PRSS38: variants seen among roughly 807,000 people sequenced by gnomAD.
The protein encoded by PRSS38 is serine protease 38.
In PRSS38, 22 loss-of-function variants were observed where a neutral mutation model predicts 26.8. That is an observed-to-expected ratio of 0.82 (90% CI 0.59 to 1.17). PRSS38 has a LOEUF of 1.17. PRSS38 is among the 50% of genes most tolerant of loss of function. The pLI is 0.00. For missense variants in PRSS38, 427 were observed against 422.7 expected (o/e 1.01, Z -0.09); for synonymous variants, 175 against 172.1 (o/e 1.02, Z -0.13).
At chr1:227,822,667 G>C (rs1665019167) in intron 3 of PRSS38, among the ~76,000 whole-genome samples, 1 of 152,166 alleles carries the variant, frequency 6.6e-6, no homozygotes, top group Admixed American at 6.6e-5. Context: ...TGTTTTGACA[G>C]TATTTTCTTG....
At chr1:227,833,628 A>T (rs913431288) in intron 3 of PRSS38, among the ~76,000 whole-genome samples, 1 of 152,196 alleles carries the variant, frequency 6.6e-6, no homozygotes, top group Admixed American at 6.5e-5. Context: ...AAGGAGAGAT[A>T]TATAGACCAA....
intron 3 of PRSS38, among the ~76,000 whole-genome samples, chr1:227,821,997 C>G (rs1665009815): frequency 1.3e-5 from 2 of 152,142 alleles, no homozygotes; most frequent in Non-Finnish European, 2.9e-5. Context: ...CCAGGAGTCT[C>G]TTAGGCTCTC....
intron 3 of PRSS38, among the ~76,000 whole-genome samples, chr1:227,831,245 G>T (rs751086692): frequency 6.6e-6 from 1 of 151,966 alleles, no homozygotes; most frequent in Non-Finnish European, 1.5e-5. Flanking sequence ...TCATTTAGTT[G>T]AGGATATTAT....
intron 3 of PRSS38, among the ~76,000 whole-genome samples, chr1:227,826,363 G>A (rs919832242): frequency 3.3e-5 from 5 of 152,240 alleles, no homozygotes; most frequent in Admixed American, 6.5e-5. Flanking sequence ...TTTGAACACC[G>A]TTGATTTCTT....
chr1:227,846,456 A>C, exon 5 of PRSS38: 1 of 558,312 alleles, frequency 1.8e-6, no homozygotes, highest in South Asian at 2.5e-5. Flanking sequence ...AGATCATTAA[A>C]TATTTACAAA....
At position 227,817,329 on chromosome 1, in the gene PRSS38, C is replaced by A; in HGVS notation, c.432C>A (p.Tyr144Ter). ...TCCTGCACCCCACATATGAGATGTA[C>A]CACCCCATCGGAGGTGACGTGGCCC... is the stretch of plus-strand genomic sequence containing the variant. The change falls in exon 3 of 5, where the codon TAC becomes TAA. Residue 144 changes from tyrosine to a stop codon, truncating the protein, a stop_gained. Coordinates refer to ENST00000366757, the Ensembl canonical transcript of PRSS38. LOFTEE classifies it high-confidence loss of function. The A allele has an allele frequency of 5.0e-6, 8 of 1,614,172 alleles. No individual in the cohort carries two copies. Among genetic ancestry groups the A allele is most frequent in the Non-Finnish European group, 5.9e-6 (7 of 1,180,026 alleles).
intron 3 of PRSS38, among the ~76,000 whole-genome samples, chr1:227,841,256 G>A (rs1006347273): frequency 6.6e-6 from 1 of 152,270 alleles, no homozygotes; most frequent in Non-Finnish European, 1.5e-5. Context: ...CATCCAGCAG[G>A]CTGGCCTAGC....
intron 3 of PRSS38, among the ~76,000 whole-genome samples, chr1:227,820,033 G>A (rs1485686390): frequency 7.2e-6 from 1 of 139,586 alleles, no homozygotes; most frequent in Non-Finnish European, 1.5e-5. Flanking sequence ...AGGTTGCAGT[G>A]AGCTGAGATC....
chr1:227,845,226 T>C (rs2102687702), intron 3 of PRSS38, among the ~76,000 whole-genome samples: 1 of 145,402 alleles, frequency 6.9e-6, no homozygotes, highest in South Asian at 2.2e-4. Flanking sequence ...CCTCCCTATG[T>C]GTGGTGGAGC....
At chr1:227,819,052 A>G (rs1366141141) in intron 3 of PRSS38, among the ~76,000 whole-genome samples, 1 of 152,132 alleles carries the variant, frequency 6.6e-6, no homozygotes, top group East Asian at 1.9e-4. Context: ...ATATTGTGTA[A>G]GACTGTAATT....
chr1:227,839,308 TAAAA>T lies in PRSS38; in HGVS notation c.584-6161_584-6158del, dbSNP rs999225105. ...GACCCCATCCCTACAAAAAAGGAAA[TAAAA>T]TAAAATAATTAGCCAGACATGGAGG... is the stretch of plus-strand genomic sequence containing the variant. On this transcript the variant is annotated intron_variant, in intron 3 of 4. Coordinates refer to ENST00000366757, the Ensembl canonical transcript of PRSS38. 7.3e-5 allele frequency among the ~76,000 whole-genome samples: 11 copies of T among 151,532 alleles called. 2 individuals carry two copies. The highest frequency in any genetic ancestry group is 2.7e-4 in the African/African-American group (11 of 41,338).
chr1:227,830,091 ATTC>A (rs1665131431), intron 3 of PRSS38, among the ~76,000 whole-genome samples: 1 of 152,166 alleles, frequency 6.6e-6, no homozygotes, highest in South Asian at 2.1e-4. Flanking sequence ...GATATATTAT[ATTC>A]AATTTTGGAT....
At chr1:227,840,611 G>C (rs1385031935) in intron 3 of PRSS38, among the ~76,000 whole-genome samples, 1 of 152,184 alleles carries the variant, frequency 6.6e-6, no homozygotes, top group Non-Finnish European at 1.5e-5. Context: ...CTGCAGAGCT[G>C]AGATGGCCTG....
At chr1:227,845,024 T>C (rs1465660300) in intron 3 of PRSS38, among the ~76,000 whole-genome samples, 1 of 142,948 alleles carries the variant, frequency 7.0e-6, no homozygotes, top group African/African-American at 2.7e-5. Context: ...CTGCTCTCTA[T>C]GTGTGGTGGG....
Position 227,816,866 on chromosome 1 carries a change from C to T in PRSS38, c.312-343C>T, listed in dbSNP as rs1008642399. Reference sequence around the variant, plus strand: ...ACAGCCCCATTCACCACAGCTGCCCCGCACAGCAGGCACGCCTCTCCTGTG... The same window carrying T: ...ACAGCCCCATTCACCACAGCTGCCCTGCACAGCAGGCACGCCTCTCCTGTG... On this transcript the variant is annotated intron_variant, in intron 2 of 4. Transcript: ENST00000366757. This position sits in a 1 kb window ranked among gnomAD's most constrained non-coding sequence, Gnocchi z 5.1. Among the ~76,000 whole-genome samples the T allele has an allele frequency of 9.8e-5, 15 of 152,368 alleles. No individual in the cohort carries two copies. Among genetic ancestry groups the T allele is most frequent in the African/African-American group, 2.9e-4 (12 of 41,594 alleles).
At position 227,816,094 on chromosome 1, in the gene PRSS38, T is replaced by C. The variant is rs1664908723; in HGVS notation, c.153T>C (p.Cys51=). 1.2e-6 allele frequency: 2 copies of C among 1,611,966 alleles called. No homozygotes were observed. The highest frequency in any genetic ancestry group is 3.3e-5 in the Admixed American group (2 of 59,884). Residue 51 remains cysteine, a synonymous_variant, in exon 2 of 5, where the codon TGT becomes TGC. Transcript: ENST00000366757. This position sits in a 1 kb window ranked among gnomAD's most constrained non-coding sequence, Gnocchi z 5.1. ...TCAGCTCCGTTCTCCCTGCAGCCTG[T>C]GGTCGGCCCAGCATGGAGGGGAAAA...
In PRSS38 at chr1:227,832,693, A is replaced by G. The variant is rs967860034; in HGVS notation, c.584-12777A>G. 5.3e-5 allele frequency among the ~76,000 whole-genome samples: 8 copies of G among 152,208 alleles called. No homozygotes were observed. In the East Asian group the frequency reaches 1.5e-3, roughly 29 times the overall value. On this transcript the variant is annotated intron_variant, in intron 3 of 4. Coordinates refer to ENST00000366757, the Ensembl canonical transcript of PRSS38. The stretch of plus-strand genomic sequence containing the variant: ...TGAGAAAAATAAACAAAAGAAATTC[A>G]CTTTGGAAATGCAGAAGTAAAACTA...
chr1:227,844,244 AG>A (rs771316514), intron 3 of PRSS38, among the ~76,000 whole-genome samples: 1 of 150,246 alleles, frequency 6.7e-6, no homozygotes, highest in Non-Finnish European at 1.5e-5. Context: ...CTCCCCAGTG[AG>A]ACCTGGGCTC....
chr1:227,822,571 T>C (rs187905182), intron 3 of PRSS38, among the ~76,000 whole-genome samples: 1 of 152,244 alleles, frequency 6.6e-6, no homozygotes, highest in African/African-American at 2.4e-5. Context: ...GTCTGTTTAA[T>C]GATTTTCCCA....
Sources: allele counts gnomAD v4.1 joint callset (sites outside exome capture counted in the v4.1 genomes callset), GRCh38; gene constraint gnomAD v4.1.1; non-coding constraint Gnocchi (gnomAD v3.1); transcripts MANE v1.5; gene names NCBI Gene and HGNC (gene_info 2026-07-23, HGNC 2026-07-21).